The following TJP1 variants were observed in gnomAD, a reference collection of about 807,000 sequenced individuals.
TJP1 encodes the protein tight junction protein ZO-1.
TJP1 carries 43 observed loss-of-function variants against 194.2 expected under a neutral mutation model. That is an observed-to-expected ratio of 0.22 (90% confidence interval 0.17 to 0.29). TJP1 has a LOEUF of 0.29. TJP1 is among the 10% of genes least tolerant of loss of function. TJP1 has a pLI of 1.00. For synonymous variants in TJP1, 801 were observed against 779.0 expected (o/e 1.03, Z -0.47); for missense variants, 1,971 against 2,185.7 (o/e 0.90, Z 1.96).
Position 29,741,324 on chromosome 15 carries a change from G to T in TJP1, c.1256+7C>A, listed in dbSNP as rs1427977959. 1 of 1,574,288 alleles carries T rather than the reference G, an allele frequency of 6.4e-7. No individual in the cohort carries two copies. Among genetic ancestry groups the T allele is most frequent in the Non-Finnish European group, 8.6e-7 (1 of 1,158,888 alleles). On this transcript the variant is annotated splice_region_variant and intron_variant, in intron 10 of 27. Coordinates refer to ENST00000614355, the MANE Select transcript of TJP1 (RefSeq NM_001330239.4). The stretch of plus-strand genomic sequence containing the variant: ...AAGAAAACAATACAACTTTAAAATT[G>T]TATTACCGAAGAATCCCATCTTCAT...
chr15:29,920,686 C>T (rs918226918), intron 2 of TJP1, among the ~76,000 whole-genome samples: 1 of 152,128 alleles, frequency 6.6e-6, no homozygotes, highest in East Asian at 1.9e-4. Context: ...CCACTGCATG[C>T]CCACAGAGGA....
At chr15:29,790,381 G>A (rs2047992754) in intron 2 of TJP1, among the ~76,000 whole-genome samples, 2 of 152,060 alleles carry the variant, frequency 1.3e-5, no homozygotes, top group Non-Finnish European at 2.9e-5. Flanking sequence ...ATTGTCCAAA[G>A]ATTTTAAAAA....
Position 29,728,015 on chromosome 15 carries a change from ACT to A in TJP1, c.2020_2021del (p.Ser674Ter). 1 of 1,613,864 alleles carries A rather than the reference ACT, an allele frequency of 6.2e-7. No homozygotes were observed. The stretch of plus-strand genomic sequence containing the variant: ...GGTCAGTTCCAGCGTCTCGTGGTTC[ACT>A]CTCTATTCATTATGTCAGGACAAAA... ...EEPDIYQIAK[S>X]EPRDAGTDQR... On this transcript the variant is annotated frameshift_variant and splice_region_variant, in exon 16 of 28. Transcript: ENST00000614355. LOFTEE classifies it high-confidence loss of function.
chr15:29,955,077 C>A (rs904792411), intron 2 of TJP1, among the ~76,000 whole-genome samples: 5 of 150,754 alleles, frequency 3.3e-5, no homozygotes, highest in African/African-American at 1.2e-4. Flanking sequence ...AAGACTCCAT[C>A]TCAGAAAAAA....
At chr15:29,856,635 T>G (rs1372141283) in intron 2 of TJP1, among the ~76,000 whole-genome samples, 1 of 152,194 alleles carries the variant, frequency 6.6e-6, no homozygotes, top group Non-Finnish European at 1.5e-5. Context: ...GAGTTCTGCA[T>G]CCGTGGATTC....
intron 2 of TJP1, among the ~76,000 whole-genome samples, chr15:29,887,987 A>G (rs1215279008): frequency 6.6e-6 from 1 of 152,164 alleles, no homozygotes; most frequent in Non-Finnish European, 1.5e-5. Context: ...CATATAATAA[A>G]TATTCTCTGT....
intron 2 of TJP1, among the ~76,000 whole-genome samples, chr15:29,918,461 G>T (rs935040369): frequency 2.0e-5 from 3 of 152,184 alleles, no homozygotes; most frequent in Non-Finnish European, 4.4e-5. Context: ...TAGGCCAGGA[G>T]CAGTGACTCA....
chr15:29,783,868 G>A (rs918871203), intron 2 of TJP1, among the ~76,000 whole-genome samples: 4 of 152,070 alleles, frequency 2.6e-5, no homozygotes, highest in Non-Finnish European at 4.4e-5. Flanking sequence ...TTAGTACTAG[G>A]TGACAAAATA....
intron 2 of TJP1, among the ~76,000 whole-genome samples, chr15:29,938,669 T>G (rs1176361319): frequency 1.3e-5 from 2 of 152,214 alleles, no homozygotes; most frequent in Non-Finnish European, 2.9e-5. Flanking sequence ...CTGCCCTAAG[T>G]AACACCATTC....
intron 2 of TJP1, among the ~76,000 whole-genome samples, chr15:29,918,127 A>C (rs763087098): frequency 9.9e-5 from 15 of 152,190 alleles, no homozygotes; most frequent in African/African-American, 1.4e-4. Flanking sequence ...AATGTCCTCA[A>C]GGTCCATCCA....
chr15:29,947,377 C>G (rs544352193), intron 2 of TJP1, among the ~76,000 whole-genome samples: 1 of 152,272 alleles, frequency 6.6e-6, no homozygotes, highest in Admixed American at 6.5e-5. Context: ...ATTATGCAGA[C>G]ACCTCAGATA....
chr15:29,847,754 C>T (rs2051474188), intron 2 of TJP1, among the ~76,000 whole-genome samples: 1 of 152,032 alleles, frequency 6.6e-6, no homozygotes, highest in African/African-American at 2.4e-5. Context: ...TACTGCACTC[C>T]AGCCTGGGTG....
At position 29,863,897 on chromosome 15, in the gene TJP1, T is replaced by TA. The variant is rs572534807; in HGVS notation, c.307-63196dup. Among the ~76,000 whole-genome samples, 991 of 152,216 alleles carry TA rather than the reference T, an allele frequency of 6.5e-3. 3 individuals are homozygous for TA. The highest frequency in any genetic ancestry group is 0.023 in the African/African-American group (951 of 41,516). On this transcript the variant is annotated intron_variant, in intron 2 of 28. Transcript: ENST00000356107. ...AAGTAACAAAAAGTACATAGTCTTT[T>TA]AAAATGTCTTGGGAGCTGTGTTTTC...
chr15:29,773,192 A>G, intron 3 of TJP1, 41 bp downstream of exon 3: 1 of 1,609,390 alleles, frequency 6.2e-7, no homozygotes, highest in Non-Finnish European at 8.5e-7. Context: ...GGAGAGGAAC[A>G]CTGCTTGTTG....
intron 2 of TJP1, among the ~76,000 whole-genome samples, chr15:29,861,122 G>A (rs2052065598): frequency 6.6e-6 from 1 of 152,156 alleles, no homozygotes; most frequent in Admixed American, 6.5e-5. Flanking sequence ...GTGGACATAT[G>A]TTTTCAATTC....
At position 29,727,975 on chromosome 15, in the gene TJP1, T is replaced by C. The variant is rs2043346117; in HGVS notation, c.2062A>G (p.Ile688Val). 1.9e-6 allele frequency: 3 copies of C among 1,614,212 alleles called. No homozygotes were observed. Among genetic ancestry groups the C allele is most frequent in the South Asian group, 1.1e-5 (1 of 91,082 alleles). ...TGCTTTATTGTATGCAGGCGAATAATGCCAGAGCTACGTTGGTCAGTTCCA... is the reference window on the plus strand; with the variant it reads ...TGCTTTATTGTATGCAGGCGAATAACGCCAGAGCTACGTTGGTCAGTTCCA... ...DAGTDQRSSG[I>V]IRLHTIKQII... The change falls in exon 16 of 28, where the codon ATT (isoleucine) becomes GTT (valine). Residue 688 changes from isoleucine to valine, a missense_variant. By Grantham distance (29) the Ile-to-Val change is conservative. Around this residue, in one of 5 missense-constraint regions of TJP1, gnomAD observed 402 missense variants for 484.2 expected, o/e 0.83. Transcript: ENST00000614355.
Position 29,950,485 on chromosome 15 carries a change from A to G in TJP1, c.306+5747T>C, listed in dbSNP as rs558664757. 2.0e-5 allele frequency among the ~76,000 whole-genome samples: 3 copies of G among 152,324 alleles called. No homozygotes were observed. In the East Asian group the frequency reaches 5.8e-4, roughly 29 times the overall value. ...CACCTCCACCATGACCTCCACCTCC[A>G]CCACTACCACTACTTCTACCACCAT... On this transcript the variant is annotated intron_variant, in intron 2 of 28. Coordinates refer to the TJP1 transcript ENST00000356107.
intron 1 of TJP1, among the ~76,000 whole-genome samples, chr15:29,802,157 T>C (rs1472767024): frequency 1.3e-5 from 2 of 152,146 alleles, no homozygotes; most frequent in African/African-American, 4.8e-5. Flanking sequence ...TTCAGAGTTA[T>C]CAAAAGGTAA....
chr15:29,731,633 A>T (rs1432274559), intron 15 of TJP1, among the ~76,000 whole-genome samples: 1 of 152,194 alleles, frequency 6.6e-6, no homozygotes, highest in Non-Finnish European at 1.5e-5. Context: ...AGAGCATCAG[A>T]TGAAGACTTC....
Sources: gnomAD v4.1 joint callset for allele counts (sites outside exome capture counted in the v4.1 genomes callset) on GRCh38, gnomAD v4.1.1 for gene constraint, gnomAD v4.1.1 regional missense constraint, MANE v1.5 for transcripts, NCBI Gene and HGNC (gene_info 2026-07-23, HGNC 2026-07-21) for gene names.